RAB3C: variants seen among roughly 807,000 people sequenced by gnomAD.
RAB3C encodes ras-related protein Rab-3C.
A neutral mutation model predicts 26.4 loss-of-function variants in RAB3C; 17 were observed. The ratio of observed to expected loss-of-function variants is 0.64; its 90% CI spans 0.44 to 0.97. The LOEUF (loss-of-function observed/expected upper bound fraction) is 0.97. RAB3C is among the 50% of genes least tolerant of loss of function. RAB3C has a pLI of 0.00. For missense variants in RAB3C, 242 were observed against 281.9 expected, an observed-to-expected ratio of 0.86 and a Z score of 1.01; for synonymous variants, 91 against 95.9, an observed-to-expected ratio of 0.95 and a Z score of 0.30.
intron 2 of RAB3C, among the ~76,000 whole-genome samples, chr5:58,651,810 T>A (rs416657): frequency 6.6e-6 from 1 of 152,150 alleles, no homozygotes; most frequent in South Asian, 2.1e-4. Context: ...ATACCAAAAT[T>A]GCCTGATGCT....
intron 3 of RAB3C, among the ~76,000 whole-genome samples, chr5:58,754,690 A>C (rs1284389797): frequency 6.6e-6 from 1 of 152,014 alleles, no homozygotes; most frequent in East Asian, 1.9e-4. Context: ...AACCACAAAC[A>C]AATGTTTATA....
intron 4 of RAB3C, among the ~76,000 whole-genome samples, chr5:58,827,089 G>C (rs1229664005): frequency 6.6e-6 from 1 of 152,066 alleles, no homozygotes; most frequent in Non-Finnish European, 1.5e-5. Flanking sequence ...TCTGCCACAG[G>C]GCCTCTTCCC....
At chr5:58,761,358 A>C (rs1741794434) in intron 3 of RAB3C, among the ~76,000 whole-genome samples, 1 of 152,196 alleles carries the variant, frequency 6.6e-6, no homozygotes, top group South Asian at 2.1e-4. Context: ...TTCTTTACAA[A>C]TAAAAATTAT....
intron 3 of RAB3C, among the ~76,000 whole-genome samples, chr5:58,791,982 T>C (rs148985821): frequency 1.3e-5 from 2 of 152,328 alleles, no homozygotes; most frequent in East Asian, 3.9e-4. Flanking sequence ...GTAATAACAA[T>C]GACTGATAAT....
intron 2 of RAB3C, among the ~76,000 whole-genome samples, chr5:58,708,884 A>G (rs1407773165): frequency 6.6e-6 from 1 of 152,240 alleles, no homozygotes; most frequent in Non-Finnish European, 1.5e-5. Flanking sequence ...ATTTTGCTGT[A>G]TACATGGGTT....
intron 3 of RAB3C, among the ~76,000 whole-genome samples, chr5:58,759,936 G>A (rs1317203763): frequency 6.6e-6 from 1 of 152,148 alleles, no homozygotes; most frequent in African/African-American, 2.4e-5. Flanking sequence ...GTTGTTCTTC[G>A]TTACTAAAAA....
rs1561152946 is a variant in RAB3C at position 58,851,623 on chromosome 5, A to G, written c.*272A>G. The stretch of plus-strand genomic sequence containing the variant: ...TGTCTGCTAGGCTCTTTTTGTTTCA[A>G]ATTTGTTCTCAGACTACTTCTGGGA... On this transcript the variant is annotated 3_prime_UTR_variant, in exon 5 of 5. Coordinates refer to ENST00000282878, the MANE Select transcript of RAB3C (RefSeq NM_138453.4). 8.6e-6 allele frequency: 3 copies of G among 347,150 alleles called. No homozygotes were observed. The highest frequency in any genetic ancestry group is 4.7e-5 in the East Asian group (1 of 21,060). 21.5% of individuals were successfully genotyped at this position (347,150 alleles called of 1,614,324 possible). A position where few individuals can be genotyped will look rare whatever the true frequency, so the allele number is the denominator to read the frequency against.
chr5:58,582,906 G>A, upstream of RAB3C: 3 of 529,812 alleles, frequency 5.7e-6, no homozygotes, highest in Non-Finnish European at 9.1e-6. Flanking sequence ...CTCCGCGGCC[G>A]AGCCCGACTG....
chr5:58,856,400 C>T lies in RAB3C; in HGVS notation c.*5049C>T, dbSNP rs745698929. On this transcript the variant is annotated 3_prime_UTR_variant, in exon 5 of 5. Coordinates refer to ENST00000282878, the MANE Select transcript of RAB3C (RefSeq NM_138453.4). Reference sequence around the variant, plus strand: ...CAAATTGAACTTTCTATTTGCAGTTCTCTTTTACTTTCTGACTTTCTTTTA... The same window carrying T: ...CAAATTGAACTTTCTATTTGCAGTTTTCTTTTACTTTCTGACTTTCTTTTA... The T allele has an allele frequency of 7.9e-5, 12 of 151,990 alleles. No homozygotes were observed. Among genetic ancestry groups the T allele is most frequent in the Admixed American group, 4.6e-4 (7 of 15,252 alleles). The allele number at this position is 151,990 out of a possible 1,614,324, so 9.4% of individuals were successfully genotyped here.
intron 3 of RAB3C, among the ~76,000 whole-genome samples, chr5:58,819,279 C>T (rs1423368): frequency 0.5 from 75,866 of 151,968 alleles, 19,420 homozygotes; most frequent in Middle Eastern, 0.67. Flanking sequence ...CTTCCCCATA[C>T]TCACTAAGTA....
chr5:58,789,284 G>T (rs554485103), intron 3 of RAB3C, among the ~76,000 whole-genome samples: 1 of 152,146 alleles, frequency 6.6e-6, no homozygotes, highest in Non-Finnish European at 1.5e-5. Flanking sequence ...ATTAAACCCT[G>T]ACAGTGAATG....
intron 3 of RAB3C, among the ~76,000 whole-genome samples, chr5:58,779,535 C>T (rs1006138428): frequency 6.6e-6 from 1 of 151,814 alleles, no homozygotes; most frequent in African/African-American, 2.4e-5. Context: ...CAGGCACTCA[C>T]CACAACACTC....
At chr5:58,591,981 C>T (rs1270432385) in intron 1 of RAB3C, among the ~76,000 whole-genome samples, 1 of 151,134 alleles carries the variant, frequency 6.6e-6, no homozygotes, top group Non-Finnish European at 1.5e-5. Context: ...TCACTGCAAC[C>T]TCTGCCTCCC....
intron 3 of RAB3C, among the ~76,000 whole-genome samples, chr5:58,756,363 CAT>C (rs1239139526): frequency 2.3e-5 from 3 of 128,696 alleles, no homozygotes; most frequent in Admixed American, 8.1e-5. Flanking sequence ...ATATATATAA[CAT>C]ATATATATAA....
intron 4 of RAB3C, among the ~76,000 whole-genome samples, chr5:58,842,795 A>G (rs559598479): frequency 6.6e-6 from 1 of 152,364 alleles, no homozygotes; most frequent in Middle Eastern, 3.4e-3. Flanking sequence ...GAAGCTTCAC[A>G]TAGTGTTCTG....
At chr5:58,752,605 G>T (rs1390002328) in intron 3 of RAB3C, among the ~76,000 whole-genome samples, 1 of 152,080 alleles carries the variant, frequency 6.6e-6, no homozygotes, top group Non-Finnish European at 1.5e-5. Flanking sequence ...ATTCTTAATA[G>T]TTGGCCTTTT....
chr5:58,705,165 AG>A (rs1748919123), intron 2 of RAB3C, among the ~76,000 whole-genome samples: 1 of 152,210 alleles, frequency 6.6e-6, no homozygotes, highest in Non-Finnish European at 1.5e-5. Flanking sequence ...GAAGGTAGAA[AG>A]ATACTTCTTC....
chr5:58,640,827 G>A (rs1486426623), intron 2 of RAB3C, among the ~76,000 whole-genome samples: 1 of 152,050 alleles, frequency 6.6e-6, no homozygotes, highest in East Asian at 1.9e-4. Context: ...CTGTTAACTG[G>A]TACTCTAGTG....
chr5:58,646,396 A>G (rs569640298), intron 2 of RAB3C, among the ~76,000 whole-genome samples: 3 of 152,158 alleles, frequency 2.0e-5, no homozygotes, highest in African/African-American at 7.2e-5. Flanking sequence ...CTACAAATAC[A>G]TGAGTTAGAT....
Sources: allele counts gnomAD v4.1 joint callset (sites outside exome capture counted in the v4.1 genomes callset), GRCh38; gene constraint gnomAD v4.1.1; transcripts MANE v1.5; gene names NCBI Gene and HGNC (gene_info 2026-07-23, HGNC 2026-07-21).